The following GRM4 variants were observed in gnomAD, a reference collection of about 807,000 sequenced individuals.
The protein encoded by GRM4 is glutamate metabotropic receptor 4, also known as metabotropic glutamate receptor 4.
A neutral mutation model predicts 81.7 loss-of-function variants in GRM4; 28 were observed. The observed-to-expected ratio is 0.34, with a 90% CI of 0.25 to 0.47. GRM4 has a LOEUF of 0.47. Among genes scored for constraint, GRM4 ranks in the 20% least tolerant of loss-of-function variants. The pLI, the probability that GRM4 is intolerant of heterozygous loss-of-function variation, is 1.00. For missense variants in GRM4, 948 were observed against 1,290.0 expected, an observed-to-expected ratio of 0.73 and a Z score of 4.06; for synonymous variants, 488 against 528.8, an observed-to-expected ratio of 0.92 and a Z score of 1.06.
rs115149030 is a variant in GRM4 at position 34,067,754 on chromosome 6, A to G, written c.737-5726T>C. On this transcript the variant is annotated intron_variant, in intron 3 of 10. Transcript: ENST00000538487. ...GGAAGCAAGACCAGAAGGAAAAGCC[A>G]TCATCCTGAGCAGAAGCACAAGGAG... 6.2e-3 allele frequency among the ~76,000 whole-genome samples: 940 copies of G among 152,250 alleles called. 6 individuals carry two copies. The highest frequency in any genetic ancestry group is 8.5e-3 in the Non-Finnish European group (576 of 68,016).
chr6:34,057,780 A>G (rs1245926722), intron 5 of GRM4, among the ~76,000 whole-genome samples: 1 of 152,222 alleles, frequency 6.6e-6, no homozygotes, highest in Non-Finnish European at 1.5e-5. Context: ...GTGTGTCTCA[A>G]GCTCTCTGAG....
At chr6:34,107,480 G>A (rs187172637) in intron 2 of GRM4, among the ~76,000 whole-genome samples, 2 of 152,156 alleles carry the variant, frequency 1.3e-5, no homozygotes, top group African/African-American at 4.8e-5. Flanking sequence ...ACCCACACAC[G>A]AATACACACA....
intron 3 of GRM4, among the ~76,000 whole-genome samples, chr6:34,065,132 CAT>C (rs908553820): frequency 7.2e-5 from 11 of 152,156 alleles, no homozygotes; most frequent in Admixed American, 4.6e-4. Context: ...TGTGTGCACA[CAT>C]GTGTCCACAC....
At chr6:34,083,645 G>A (rs1315552272) in intron 3 of GRM4, among the ~76,000 whole-genome samples, 1 of 152,216 alleles carries the variant, frequency 6.6e-6, no homozygotes, top group Non-Finnish European at 1.5e-5. Flanking sequence ...CCACTCCCCT[G>A]CGTCCTGGGA....
chr6:34,112,638 C>T (rs1426424917), intron 2 of GRM4, among the ~76,000 whole-genome samples: 1 of 152,116 alleles, frequency 6.6e-6, no homozygotes, highest in Non-Finnish European at 1.5e-5. Flanking sequence ...CAGCTGGAAA[C>T]CCTATCCTGG....
At chr6:34,096,094 C>T (rs1402691332) in intron 2 of GRM4, among the ~76,000 whole-genome samples, 1 of 152,152 alleles carries the variant, frequency 6.6e-6, no homozygotes, top group Non-Finnish European at 1.5e-5. Flanking sequence ...CCCTCTGCCT[C>T]CTTTGCTTCC....
intron 2 of GRM4, among the ~76,000 whole-genome samples, chr6:34,099,088 G>A (rs1645794826): frequency 6.6e-6 from 1 of 152,228 alleles, no homozygotes; most frequent in Non-Finnish European, 1.5e-5. Flanking sequence ...CAGGCTTGTG[G>A]CTGGGAGAAC....
intron 10 of GRM4, among the ~76,000 whole-genome samples, chr6:34,027,436 T>C (rs2499668): frequency 0.98 from 149,517 of 152,188 alleles, 73,457 homozygotes; most frequent in East Asian, 1. Flanking sequence ...GCATGACCCT[T>C]TCCTGCTGGG....
chr6:34,024,105 C>T (rs969079387), intron 10 of GRM4: 7 of 152,412 alleles, frequency 4.6e-5, no homozygotes, highest in African/African-American at 1.4e-4. Flanking sequence ...AACTGGGGGA[C>T]AAGTGTGGTG....
rs774776116 is a variant in GRM4, at chr6:34,033,689, CTCTCTCTCTT to C, written c.2442+1969_2442+1978del. ...TCTCTCTTTCTTTCTCTTTCTCTCT[CTCTCTCTCTT>C]TCTCTTTCTTTCTCTCTCCCTCTCT... On this transcript the variant is annotated intron_variant, in intron 9 of 10. Coordinates refer to ENST00000538487, the MANE Select transcript of GRM4 (RefSeq NM_000841.4). Among the ~76,000 whole-genome samples, 271 of 147,560 alleles carry C rather than the reference CTCTCTCTCTT, an allele frequency of 1.8e-3. 1 individual carries two copies. The highest frequency in any genetic ancestry group is 3.5e-3 in the Middle Eastern group (1 of 282).
chr6:34,089,850 A>T lies in GRM4; in HGVS notation c.736+2033T>A, dbSNP rs147122393. Among the ~76,000 whole-genome samples the T allele has an allele frequency of 6.6e-6, 1 of 152,148 alleles. No homozygotes were observed. Among genetic ancestry groups the T allele is most frequent in the Non-Finnish European group, 1.5e-5 (1 of 67,972 alleles). ...TCCTGTCCCTCCAGGCTGTGTGTAC[A>T]TGGGTGTGCCTGTGTGTCCCTGTCA... On this transcript the variant is annotated intron_variant, in intron 3 of 10. Transcript: ENST00000538487. The surrounding 1 kb of genome is among the most constrained non-coding windows in gnomAD (Gnocchi z 4.3).
chr6:34,107,467 C>G, intron 2 of GRM4, among the ~76,000 whole-genome samples: 1 of 151,672 alleles, frequency 6.6e-6, no homozygotes, highest in Non-Finnish European at 1.5e-5. Flanking sequence ...GGCCTCTCAC[C>G]GGACCCACAC....
Position 34,059,169 on chromosome 6 carries a change from C to T in GRM4, c.873-41G>A. The T allele has an allele frequency of 6.3e-7, 1 of 1,597,558 alleles. No individual in the cohort carries two copies. The highest frequency in any genetic ancestry group is 8.6e-7 in the Non-Finnish European group (1 of 1,168,906). On this transcript the variant is annotated intron_variant, in intron 4 of 10. Coordinates refer to ENST00000538487, the MANE Select transcript of GRM4 (RefSeq NM_000841.4). The surrounding 1 kb of genome is among the most constrained non-coding windows in gnomAD (Gnocchi z 5.7). ...CCAGCCCAGCCCAGCCGCGTCTGTC[C>T]ACGAAACTGCCCCCACTCCTGGCCA...
chr6:34,135,483 G>A (rs1440762554), intron 1 of GRM4, among the ~76,000 whole-genome samples: 3 of 152,184 alleles, frequency 2.0e-5, no homozygotes, highest in Non-Finnish European at 4.4e-5. Context: ...ATGCATCCAG[G>A]ACTAGAAGCC....
chr6:34,056,253 T>G, intron 6 of GRM4: 1 of 387,672 alleles, frequency 2.6e-6, no homozygotes, highest in Non-Finnish European at 4.7e-6. Context: ...TTAGGAGGGG[T>G]CAGTTCAGTG....
intron 3 of GRM4, among the ~76,000 whole-genome samples, chr6:34,085,100 G>C (rs1767818437): frequency 6.6e-6 from 1 of 152,170 alleles, no homozygotes; most frequent in African/African-American, 2.4e-5. Context: ...CCAGGGAACA[G>C]GGCTGGTCGT....
Position 34,030,666 on chromosome 6 carries a change from C to T in GRM4, c.2443-2300G>A, listed in dbSNP as rs897660320. Among the ~76,000 whole-genome samples, 3 of 152,190 alleles carry T rather than the reference C, an allele frequency of 2.0e-5. No individual in the cohort carries two copies. The South Asian group carries it at 6.2e-4, about 31-fold the overall frequency. Reference sequence around the variant, plus strand: ...TGTGCCTAGCTCTCAGTTTAAGGTCCTTCTGCCACCATATTGAATCGTGGA... The same window carrying T: ...TGTGCCTAGCTCTCAGTTTAAGGTCTTTCTGCCACCATATTGAATCGTGGA... On this transcript the variant is annotated intron_variant, in intron 9 of 10. Coordinates refer to ENST00000538487, the MANE Select transcript of GRM4 (RefSeq NM_000841.4).
At chr6:34,149,863 A>C (rs1299852132), upstream of GRM4, among the ~76,000 whole-genome samples, 2 of 152,194 alleles carry the variant, frequency 1.3e-5, no homozygotes, top group African/African-American at 4.8e-5. Flanking sequence ...GAAAGCCACA[A>C]GTTTGTCCAT....
rs563077857 is a variant in GRM4 at position 34,106,580 on chromosome 6, G to A, written c.520-14481C>T. Reference sequence around the variant, plus strand: ...ACTCACCCTGTCCAGCCACTCCAACGTCCATGTTGTTCCTCCCAACAGAGC... The same window carrying A: ...ACTCACCCTGTCCAGCCACTCCAACATCCATGTTGTTCCTCCCAACAGAGC... On this transcript the variant is annotated intron_variant, in intron 2 of 10. Transcript: ENST00000538487. Among the ~76,000 whole-genome samples, 10 of 152,034 alleles carry A rather than the reference G, an allele frequency of 6.6e-5. No homozygotes were observed. In the East Asian group the frequency reaches 1.7e-3, roughly 27 times the overall value.
Sources: gnomAD v4.1 joint callset for allele counts (sites outside exome capture counted in the v4.1 genomes callset) on GRCh38, gnomAD v4.1.1 for gene constraint, Gnocchi (gnomAD v3.1) non-coding constraint, MANE v1.5 for transcripts, NCBI Gene and HGNC (gene_info 2026-07-23, HGNC 2026-07-21) for gene names.